PUM2: variants seen among roughly 807,000 people sequenced by gnomAD.
The protein encoded by PUM2 is pumilio RNA binding family member 2, also known as pumilio homolog 2.
Under a neutral mutation model 124.5 loss-of-function variants are expected in PUM2, and 57 were observed. That is an observed-to-expected ratio of 0.46 (90% CI 0.37 to 0.57). The LOEUF is 0.57. Ranked by LOEUF, PUM2 falls within the 20% of genes least tolerant of loss-of-function variation. The pLI, the probability that PUM2 is intolerant of heterozygous loss-of-function variation, is 0.00. For missense variants in PUM2, 1,065 were observed against 1,290.6 expected (o/e 0.83, Z 2.68); for synonymous variants, 460 against 446.1 (o/e 1.03, Z -0.39).
At chr2:20,337,310 G>C (rs1440655164) in intron 1 of PUM2, among the ~76,000 whole-genome samples, 2 of 152,132 alleles carry the variant, frequency 1.3e-5, no homozygotes, top group Non-Finnish European at 2.9e-5. Flanking sequence ...AGAGGATTGG[G>C]TTTGTTTTTT....
At chr2:20,287,329 G>A (rs112883376) in intron 10 of PUM2, among the ~76,000 whole-genome samples, 126 of 152,252 alleles carry the variant, frequency 8.3e-4, no homozygotes, top group African/African-American at 2.8e-3. Context: ...GAGCAGACAA[G>A]GGAGTAATTA....
chr2:20,264,356 AAAAAAAAAAAAATATATATATATAT>A (rs1667047446), intron 13 of PUM2, among the ~76,000 whole-genome samples: 1 of 83,542 alleles, frequency 1.2e-5, no homozygotes, highest in Non-Finnish European at 2.3e-5. Context: ...AAAAAAAAAA[AAAAAAAAAAAAATATATATATATAT>A]ATATATATAT....
chr2:20,257,043 CAAAAAAAAAAAAA>C (rs58072146), intron 16 of PUM2, among the ~76,000 whole-genome samples: 15 of 71,798 alleles, frequency 2.1e-4, no homozygotes, highest in South Asian at 1.1e-3. Context: ...GATTCCGTCT[CAAAAAAAAAAAAA>C]AAAAAAAAAA....
chr2:20,294,446 T>C lies in PUM2; in HGVS notation c.1082A>G (p.Gln361Arg), dbSNP rs1217275647. 6.2e-7 allele frequency: 1 copy of C among 1,614,184 alleles called. No homozygotes were observed. Among genetic ancestry groups the C allele is most frequent in the South Asian group, 1.1e-5 (1 of 91,086 alleles). ...GVYPANLFQQ[Q>R]AAAAANNTAS... is the part of the protein sequence containing the mutation. ...TGTGTTATTTGCCGCAGCTGCAGCT[T>C]GCTGCTGAAATAAGTTGGCTGGATA... Residue 361 changes from glutamine (Q) to arginine (R), a missense_variant, in exon 9 of 21, where the codon CAA becomes CGA. Gln to Arg is a conservative substitution (Grantham distance 43). Transcript: ENST00000361078.
chr2:20,306,251 T>C (rs1284789069), intron 7 of PUM2, among the ~76,000 whole-genome samples: 1 of 152,142 alleles, frequency 6.6e-6, no homozygotes, highest in East Asian at 1.9e-4. Flanking sequence ...AACCTGATGC[T>C]TGATGGCATA....
chr2:20,305,223 G>A (rs527611673), intron 7 of PUM2, among the ~76,000 whole-genome samples: 41 of 152,216 alleles, frequency 2.7e-4, no homozygotes, highest in Admixed American at 5.9e-4. Flanking sequence ...AGTGGCTCAT[G>A]TCTATAATCC....
intron 7 of PUM2, among the ~76,000 whole-genome samples, chr2:20,306,568 T>C (rs1678350374): frequency 6.7e-6 from 1 of 149,248 alleles, no homozygotes; most frequent in Non-Finnish European, 1.5e-5. Context: ...GGGGCCAGAG[T>C]ACATGCTGCG....
intron 10 of PUM2, among the ~76,000 whole-genome samples, chr2:20,288,904 C>T (rs1170889405): frequency 6.6e-6 from 1 of 152,134 alleles, no homozygotes; most frequent in Non-Finnish European, 1.5e-5. Flanking sequence ...AAATACAAAT[C>T]CTAGTAAGGC....
At chr2:20,322,411 T>C (rs1228327198) in intron 2 of PUM2, among the ~76,000 whole-genome samples, 1 of 152,000 alleles carries the variant, frequency 6.6e-6, no homozygotes, top group African/African-American at 2.4e-5. Flanking sequence ...TGTGAGACCC[T>C]GTCTCTTTTA....
Position 20,282,940 on chromosome 2 carries a change from A to G in PUM2, c.1720+7T>C, listed in dbSNP as rs1445907550. The stretch of plus-strand genomic sequence containing the variant: ...GCAGAGTACACTCATCGTAAAAACA[A>G]ACTTACCTGATGAACCAAATCCACT... On this transcript the variant is annotated splice_region_variant and intron_variant, in intron 12 of 20. Transcript: ENST00000361078. The G allele has an allele frequency of 6.2e-7, 1 of 1,611,852 alleles. No homozygotes were observed. The highest frequency in any genetic ancestry group is 8.5e-7 in the Non-Finnish European group (1 of 1,179,168).
intron 15 of PUM2, 143 bp downstream of exon 15, chr2:20,260,194 C>G: frequency 1.1e-6 from 1 of 897,692 alleles, no homozygotes; most frequent in African/African-American, 1.7e-5. Flanking sequence ...ATGTTTACCG[C>G]ATATATAATT....
At chr2:20,297,762 C>G in intron 7 of PUM2, 84 bp from the exon 8 acceptor site, 8 of 1,336,074 alleles carry the variant, frequency 6.0e-6, no homozygotes, top group Middle Eastern at 2.6e-4. Context: ...TACTCTGAAT[C>G]TGGGGTGGTG....
At chr2:20,278,856 G>A in intron 12 of PUM2, 37 bp from the exon 13 acceptor site, 1 of 1,467,366 alleles carries the variant, frequency 6.8e-7, no homozygotes. Flanking sequence ...ATTACATACA[G>A]TGTTAACTGA....
chr2:20,324,139 C>G (rs1037576771), intron 2 of PUM2, among the ~76,000 whole-genome samples: 1 of 152,024 alleles, frequency 6.6e-6, no homozygotes, highest in African/African-American at 2.4e-5. Flanking sequence ...TATATTAAAG[C>G]AAGAGCATTT....
chr2:20,260,207 TA>T, intron 15 of PUM2, 129 bp downstream of exon 15: 1 of 1,050,934 alleles, frequency 9.5e-7, no homozygotes, highest in Non-Finnish European at 1.3e-6. Context: ...ATATAATTTG[TA>T]AATATCTTAT....
chr2:20,335,298 A>C (rs1685769089), intron 1 of PUM2, among the ~76,000 whole-genome samples: 1 of 152,188 alleles, frequency 6.6e-6, no homozygotes, highest in African/African-American at 2.4e-5. Flanking sequence ...TGAATTCCTA[A>C]AGAATACTTT....
intron 10 of PUM2, among the ~76,000 whole-genome samples, chr2:20,287,120 T>C (rs557553051): frequency 6.6e-6 from 1 of 152,206 alleles, no homozygotes; most frequent in Non-Finnish European, 1.5e-5. Flanking sequence ...CCCTTCTTAA[T>C]TCTAAAATGC....
intron 1 of PUM2, among the ~76,000 whole-genome samples, chr2:20,338,620 A>G (rs1171357615): frequency 6.6e-6 from 1 of 152,236 alleles, no homozygotes; most frequent in Non-Finnish European, 1.5e-5. Flanking sequence ...GAACTAGGAA[A>G]GAAAAAAATC....
At chr2:20,348,799 T>G (rs542672345) in intron 1 of PUM2, among the ~76,000 whole-genome samples, 3,478 of 152,284 alleles carry the variant, frequency 0.023, 91 homozygotes, top group East Asian at 0.12. Context: ...GGCGTGCGCC[T>G]GTACCCCCAG....
Sources: gnomAD v4.1 joint callset for allele counts (sites outside exome capture counted in the v4.1 genomes callset) on GRCh38, gnomAD v4.1.1 for gene constraint, MANE v1.5 for transcripts, NCBI Gene and HGNC (gene_info 2026-07-23, HGNC 2026-07-21) for gene names.